EIF2AK3: variants seen among roughly 807,000 people sequenced by gnomAD.
EIF2AK3 encodes eukaryotic translation initiation factor 2 alpha kinase 3.
In EIF2AK3, 50 loss-of-function variants were observed where a neutral mutation model predicts 113.5. That is an observed-to-expected ratio of 0.44 (90% CI 0.35 to 0.56). The LOEUF (loss-of-function observed/expected upper bound fraction) is 0.56, where lower values mean the gene tolerates loss of function less well. EIF2AK3 is among the 20% of genes least tolerant of loss of function. EIF2AK3 has a pLI of 0.00. For synonymous variants in EIF2AK3, 448 were observed against 495.4 expected (o/e 0.90, Z 1.27); for missense variants, 1,185 against 1,378.0 (o/e 0.86, Z 2.22).
At position 88,593,254 on chromosome 2, in the gene EIF2AK3, C is replaced by T; in HGVS notation, c.767+18G>A. ...TATTTCTAAATAATACCAACAGCAA[C>T]ATTATCTGAATACACACTTCTCATT... On this transcript the variant is annotated intron_variant, in intron 4 of 16. Transcript: ENST00000303236. 6.2e-7 allele frequency: 1 copy of T among 1,613,850 alleles called. No homozygotes were observed. Among genetic ancestry groups the T allele is most frequent in the South Asian group, 1.1e-5 (1 of 91,078 alleles).
intron 2 of EIF2AK3, among the ~76,000 whole-genome samples, chr2:88,607,349 A>G (rs573942565): frequency 1.3e-5 from 2 of 152,362 alleles, no homozygotes; most frequent in East Asian, 1.9e-4. Context: ...AAAATTAAAA[A>G]CAAAATTCTT....
At chr2:88,568,234 CTTGAAGTATGGTCCATGGA>C (rs1314138996) in intron 14 of EIF2AK3, among the ~76,000 whole-genome samples, 1 of 152,138 alleles carries the variant, frequency 6.6e-6, no homozygotes, top group Admixed American at 6.6e-5. Context: ...TCCAGTGGTT[CTTGAAGTATGGTCCATGGA>C]TTCCTCGGGA....
chr2:88,596,673 A>G (rs932389137), intron 2 of EIF2AK3, among the ~76,000 whole-genome samples: 12 of 152,164 alleles, frequency 7.9e-5, no homozygotes, highest in African/African-American at 2.7e-4. Context: ...AAAAACCACA[A>G]GGAAAGTGAA....
In EIF2AK3 at chr2:88,575,008, A is replaced by G. The variant is rs1193481023; in HGVS notation, c.2475T>C (p.Asn825=). 6.2e-7 allele frequency: 1 copy of G among 1,614,072 alleles called. No homozygotes were observed. The highest frequency in any genetic ancestry group is 1.3e-5 in the African/African-American group (1 of 74,928). The change falls in exon 13 of 17, where the codon AAT becomes AAC. Residue 825 remains asparagine (N), a synonymous_variant. Coordinates refer to ENST00000303236, the MANE Select transcript of EIF2AK3 (RefSeq NM_004836.7). The part of the protein sequence containing the change: ...NASSKEEPKT[N]RLHIGNHCAN... ...CACAATGGTTGCCAATATGCAATCG[A>G]TTAGTTTTCGGCTCTTCTTTACTGG...
At position 88,575,452 on chromosome 2, in the gene EIF2AK3, A is replaced by G; in HGVS notation, c.2037-6T>C. Reference sequence around the variant, plus strand: ...AGCTGAGTGGCCAGTCTGTGCTAAAAGTGGGAGAAATACAAAGGGGTAAGA... The same window carrying G: ...AGCTGAGTGGCCAGTCTGTGCTAAAGGTGGGAGAAATACAAAGGGGTAAGA... On this transcript the variant is annotated splice_region_variant and splice_polypyrimidine_tract_variant and intron_variant, in intron 12 of 16. Transcript: ENST00000303236. The G allele has an allele frequency of 6.2e-7, 1 of 1,604,450 alleles. No homozygotes were observed. The highest frequency in any genetic ancestry group is 8.5e-7 in the Non-Finnish European group (1 of 1,179,934).
intron 2 of EIF2AK3, among the ~76,000 whole-genome samples, chr2:88,603,832 A>G (rs1479789563): frequency 6.6e-6 from 1 of 152,204 alleles, no homozygotes; most frequent in Non-Finnish European, 1.5e-5. Context: ...CACAAGACCC[A>G]TAAAGTCAAA....
intron 8 of EIF2AK3, 27 bp downstream of exon 8, chr2:88,587,951 AAAAT>A (rs1214426890): frequency 1.2e-5 from 17 of 1,427,974 alleles, no homozygotes; most frequent in African/African-American, 2.9e-5. Context: ...ATTAAAAAAT[AAAAT>A]AAATAAAACT....
intron 2 of EIF2AK3, among the ~76,000 whole-genome samples, chr2:88,610,276 T>G (rs754992244): frequency 1.2e-4 from 18 of 152,200 alleles, no homozygotes; most frequent in Non-Finnish European, 2.2e-4. Flanking sequence ...TATGCCAACA[T>G]TTAAAAGATC....
chr2:88,612,829 T>A (rs986682937), intron 2 of EIF2AK3, among the ~76,000 whole-genome samples: 1 of 152,114 alleles, frequency 6.6e-6, no homozygotes. Context: ...AAAAGACTGA[T>A]GACAAAAGAG....
In EIF2AK3 at chr2:88,583,517, C is replaced by A. The variant is rs1674647456; in HGVS notation, c.1676G>T (p.Cys559Phe). 6.2e-7 allele frequency: 1 copy of A among 1,612,858 alleles called. No individual in the cohort carries two copies. Among genetic ancestry groups the A allele is most frequent in the African/African-American group, 1.3e-5 (1 of 74,868 alleles). ...HRQRKESETQCQTENKYDSVS... is the reference protein window; with the variant it reads ...HRQRKESETQFQTENKYDSVS... ...AGAATCATATTTATTTTCAGTTTGA[C>A]ACTGAGTTTCAGACTCCTTCCTTTG... is the stretch of plus-strand genomic sequence containing the variant. The change falls in exon 10 of 17, where the codon TGT (cysteine) becomes TTT (phenylalanine). Residue 559 changes from cysteine (C) to phenylalanine (F), a missense_variant. Transcript: ENST00000303236.
At chr2:88,624,486 C>G (rs1446799025) in intron 1 of EIF2AK3, among the ~76,000 whole-genome samples, 1 of 152,164 alleles carries the variant, frequency 6.6e-6, no homozygotes, top group African/African-American at 2.4e-5. Flanking sequence ...TGCTCATCGC[C>G]AAATCTTTCT....
intron 9 of EIF2AK3, among the ~76,000 whole-genome samples, chr2:88,585,193 T>C (rs112833022): frequency 0.015 from 2,343 of 152,094 alleles, 33 homozygotes; most frequent in South Asian, 0.039. Flanking sequence ...TGTGAAGATA[T>C]CTAGGAGGAA....
intron 1 of EIF2AK3, among the ~76,000 whole-genome samples, chr2:88,617,734 C>T (rs1196502954): frequency 7.0e-6 from 1 of 142,082 alleles, no homozygotes; most frequent in African/African-American, 2.7e-5. Flanking sequence ...TCCAGCCTGG[C>T]AACACAGCGA....
Position 88,586,070 on chromosome 2 carries a change from A to G in EIF2AK3, c.1430-9T>C, listed in dbSNP as rs748797630. ...TAGATAATAACCATTATCTTCAAAT[A>G]GAAACATTAAAACGTTTTTTTTAAA... On this transcript the variant is annotated splice_polypyrimidine_tract_variant and intron_variant, in intron 8 of 16. Transcript: ENST00000303236. 1.9e-6 allele frequency: 3 copies of G among 1,610,892 alleles called. No individual in the cohort carries two copies. The highest frequency in any genetic ancestry group is 2.5e-6 in the Non-Finnish European group (3 of 1,177,440).
intron 1 of EIF2AK3, among the ~76,000 whole-genome samples, chr2:88,623,582 C>T (rs931805430): frequency 1.3e-5 from 2 of 152,178 alleles, no homozygotes; most frequent in Non-Finnish European, 2.9e-5. Context: ...CAGTTCTTCA[C>T]AGCTGTTCAT....
At chr2:88,596,327 A>G (rs1416048786) in intron 2 of EIF2AK3, among the ~76,000 whole-genome samples, 2 of 152,158 alleles carry the variant, frequency 1.3e-5, no homozygotes, top group Non-Finnish European at 2.9e-5. Context: ...GGGCTTACCT[A>G]TGGCCTGGCA....
chr2:88,613,599 A>G, intron 2 of EIF2AK3, 125 bp downstream of exon 2: 1 of 1,010,830 alleles, frequency 9.9e-7, no homozygotes, highest in Non-Finnish European at 1.5e-6. Context: ...ATTGCCCTAA[A>G]GGGACACAAA....
In EIF2AK3 at chr2:88,574,729, G is replaced by A. The variant is rs767913947; in HGVS notation, c.2754C>T (p.Phe918=). Reference sequence around the variant, plus strand: ...ACTCCACTGCCTCTGCGATCTGCAGGAAGATGTGCAGACACACGCTCCTCT... The same window carrying A: ...ACTCCACTGCCTCTGCGATCTGCAGAAAGATGTGCAGACACACGCTCCTCT... ...ERERSVCLHI[F]LQIAEAVEFL... Residue 918 remains phenylalanine, a synonymous_variant, in exon 13 of 17, where the codon TTC becomes TTT. Coordinates refer to ENST00000303236, the MANE Select transcript of EIF2AK3 (RefSeq NM_004836.7). 1.9e-6 allele frequency: 3 copies of A among 1,614,174 alleles called. No homozygotes were observed. In the East Asian group the frequency reaches 6.7e-5, roughly 36 times the overall value.
rs1228313595 is a variant in EIF2AK3, at chr2:88,627,331, C to T, written c.-57G>A. The stretch of plus-strand genomic sequence containing the variant: ...CGCAGCCACTGACGCCTGCCTCTCC[C>T]GCCGCTTGGAGCTCCCAAGAAGGCA... On this transcript the variant is annotated 5_prime_UTR_variant, in exon 1 of 17. Transcript: ENST00000303236. 37 of 1,434,388 alleles carry T rather than the reference C, an allele frequency of 2.6e-5. No homozygotes were observed. The highest frequency in any genetic ancestry group is 3.2e-5 in the Non-Finnish European group (35 of 1,094,802). The allele number at this position is 1,434,388 out of a possible 1,614,324, so 88.9% of individuals were successfully genotyped here. A position where few individuals can be genotyped will look rare whatever the true frequency, so the allele number is the denominator to read the frequency against.
Sources: allele counts gnomAD v4.1 joint callset (sites outside exome capture counted in the v4.1 genomes callset), GRCh38; gene constraint gnomAD v4.1.1; transcripts MANE v1.5; gene names NCBI Gene and HGNC (gene_info 2026-07-23, HGNC 2026-07-21).